The following NMNAT3 variants were observed in gnomAD, a reference collection of about 807,000 sequenced individuals.
NMNAT3 encodes nicotinamide/nicotinic acid mononucleotide adenylyltransferase 3.
NMNAT3 carries 21 observed loss-of-function variants against 24.8 expected under a neutral mutation model. That is an observed-to-expected ratio of 0.85 (90% CI 0.60 to 1.22). The LOEUF (loss-of-function observed/expected upper bound fraction) is 1.22, where lower values mean the gene tolerates loss of function less well. Among genes scored for constraint, NMNAT3 ranks in the 50% most tolerant of loss-of-function variants. The pLI is 0.00. For synonymous variants in NMNAT3, 136 were observed against 155.2 expected, an observed-to-expected ratio of 0.88 and a Z score of 0.92; for missense variants, 387 against 436.6, an observed-to-expected ratio of 0.89 and a Z score of 1.01.
At chr3:139,651,433 C>A (rs974953344) in intron 1 of NMNAT3, among the ~76,000 whole-genome samples, 3 of 152,072 alleles carry the variant, frequency 2.0e-5, no homozygotes, top group Admixed American at 6.6e-5. Context: ...TATATTCATG[C>A]CAAATGATTC....
chr3:139,575,679 G>T, intron 5 of NMNAT3: 3 of 1,023,752 alleles, frequency 2.9e-6, no homozygotes, highest in Non-Finnish European at 3.5e-6. Flanking sequence ...ACATGCATTT[G>T]CCAGGGACTT....
intron 1 of NMNAT3, among the ~76,000 whole-genome samples, chr3:139,640,550 A>C (rs1559941825): frequency 6.6e-6 from 1 of 152,124 alleles, no homozygotes. Flanking sequence ...CAACTTCCTC[A>C]AGGTAATAGG....
Position 139,594,697 on chromosome 3 carries a change from A to G in NMNAT3, c.110-11489T>C, listed in dbSNP as rs181539480. On this transcript the variant is annotated intron_variant, in intron 3 of 6. Coordinates refer to ENST00000643695, the MANE Select transcript of NMNAT3 (RefSeq NM_001320510.2). ...AAATGTAATCCAGCATATAAACAGA[A>G]CCAAAGACAAAAACCACATGATTAT... Among the ~76,000 whole-genome samples the G allele has an allele frequency of 2.3e-3, 347 of 152,322 alleles. 6 individuals are homozygous for G. In the East Asian group the frequency reaches 0.042, roughly 18 times the overall value.
chr3:139,587,932 G>T (rs1265233481), intron 3 of NMNAT3, among the ~76,000 whole-genome samples: 1 of 152,188 alleles, frequency 6.6e-6, no homozygotes, highest in Non-Finnish European at 1.5e-5. Context: ...CAGCTCTGCT[G>T]GGCATGTTGG....
At chr3:139,567,303 A>C (rs1937395139) in intron 6 of NMNAT3, 1 of 152,130 alleles carries the variant, frequency 6.6e-6, no homozygotes, top group Non-Finnish European at 1.5e-5. Context: ...TGTCATCTGC[A>C]AACAGGGACA....
At chr3:139,650,160 G>A (rs974552538) in intron 1 of NMNAT3, among the ~76,000 whole-genome samples, 4 of 152,124 alleles carry the variant, frequency 2.6e-5, no homozygotes, top group African/African-American at 4.8e-5. Context: ...GCTTTTTGCT[G>A]AATGAAAGGA....
intron 3 of NMNAT3, among the ~76,000 whole-genome samples, chr3:139,601,170 C>T (rs974156075): frequency 2.0e-5 from 3 of 152,178 alleles, no homozygotes; most frequent in Non-Finnish European, 4.4e-5. Flanking sequence ...TGGACATCCT[C>T]CATGTGTGGA....
At chr3:139,590,602 A>G (rs1457504707) in intron 3 of NMNAT3, among the ~76,000 whole-genome samples, 2 of 152,188 alleles carry the variant, frequency 1.3e-5, no homozygotes, top group Non-Finnish European at 2.9e-5. Context: ...TGAGGATGGA[A>G]CAAATAACAC....
intron 3 of NMNAT3, among the ~76,000 whole-genome samples, chr3:139,605,834 T>C (rs2054917610): frequency 6.6e-6 from 1 of 152,108 alleles, no homozygotes; most frequent in Non-Finnish European, 1.5e-5. Flanking sequence ...TTTTGGCAAT[T>C]AAATAACAAT....
At chr3:139,582,534 T>C (rs1196439416) in intron 4 of NMNAT3, among the ~76,000 whole-genome samples, 2 of 142,354 alleles carry the variant, frequency 1.4e-5, no homozygotes, top group Non-Finnish European at 3.0e-5. Flanking sequence ...CCCAGCTACT[T>C]GGGAGGCTGA....
At chr3:139,631,274 G>C (rs2108322172) in intron 2 of NMNAT3, among the ~76,000 whole-genome samples, 1 of 152,200 alleles carries the variant, frequency 6.6e-6, no homozygotes, top group East Asian at 1.9e-4. Flanking sequence ...ACTCAAATTT[G>C]CTTCAACTAA....
chr3:139,653,627 C>T (rs2057133568), intron 1 of NMNAT3, among the ~76,000 whole-genome samples: 1 of 152,232 alleles, frequency 6.6e-6, no homozygotes, highest in African/African-American at 2.4e-5. Flanking sequence ...AGTTTGTTGC[C>T]TTCAAGGTCT....
intron 6 of NMNAT3, among the ~76,000 whole-genome samples, chr3:139,563,476 G>C (rs1936725502): frequency 6.6e-6 from 1 of 152,046 alleles, no homozygotes; most frequent in Admixed American, 6.6e-5. Context: ...ATTTTTTTGT[G>C]GGGACAATTT....
chr3:139,654,582 C>A (rs540837216), intron 1 of NMNAT3, among the ~76,000 whole-genome samples: 1 of 152,294 alleles, frequency 6.6e-6, no homozygotes, highest in African/African-American at 2.4e-5. Flanking sequence ...TATTATGTTT[C>A]TAGGGCCAAT....
intron 5 of NMNAT3, among the ~76,000 whole-genome samples, chr3:139,574,624 T>C (rs576902391): frequency 2.6e-5 from 4 of 152,344 alleles, no homozygotes; most frequent in African/African-American, 9.6e-5. Flanking sequence ...TAGTGCCTGG[T>C]GGGAAAAGCA....
intron 6 of NMNAT3, among the ~76,000 whole-genome samples, chr3:139,571,831 G>T (rs1282684734): frequency 6.6e-6 from 1 of 152,182 alleles, no homozygotes; most frequent in Non-Finnish European, 1.5e-5. Context: ...AGGGATTCTG[G>T]AAGCATATGC....
At chr3:139,639,158 C>G (rs542871397) in intron 1 of NMNAT3, among the ~76,000 whole-genome samples, 2 of 152,188 alleles carry the variant, frequency 1.3e-5, no homozygotes, top group Non-Finnish European at 2.9e-5. Flanking sequence ...ACCTATCCAT[C>G]TGACTGGAGA....
intron 4 of NMNAT3, among the ~76,000 whole-genome samples, chr3:139,582,345 G>T (rs1214900098): frequency 6.6e-6 from 1 of 150,766 alleles, no homozygotes; most frequent in East Asian, 2.0e-4. Context: ...CTTATTCTTA[G>T]AAAATGTACA....
At chr3:139,606,155 G>C (rs2054933763) in intron 3 of NMNAT3, among the ~76,000 whole-genome samples, 1 of 152,156 alleles carries the variant, frequency 6.6e-6, no homozygotes, top group African/African-American at 2.4e-5. Flanking sequence ...CACTGATCTA[G>C]AGACATCATT....
Sources: allele counts gnomAD v4.1 joint callset (sites outside exome capture counted in the v4.1 genomes callset), GRCh38; gene constraint gnomAD v4.1.1; transcripts MANE v1.5; gene names NCBI Gene and HGNC (gene_info 2026-07-23, HGNC 2026-07-21).